CXCL1: variants seen among roughly 807,000 people sequenced by gnomAD.
CXCL1 encodes the protein C-X-C motif chemokine ligand 1.
In CXCL1, 9 loss-of-function variants were observed where a neutral mutation model predicts 11.7. That is an observed-to-expected ratio of 0.77 (90% CI 0.46 to 1.34). The LOEUF (loss-of-function observed/expected upper bound fraction) is 1.34. Among genes scored for constraint, CXCL1 ranks in the 40% most tolerant of loss-of-function variants. The probability of loss-of-function intolerance (pLI) is 0.00; values close to 1 mark genes in which losing one functional copy is unlikely to be tolerated. For missense variants in CXCL1, 146 were observed against 138.1 expected (o/e 1.06, Z -0.29); for synonymous variants, 78 against 59.1 (o/e 1.32, Z -1.47).
chr4:73,870,307 A>ACCCCCCCCCCCC, intron 3 of CXCL1: 2 of 448,164 alleles, frequency 4.5e-6, no homozygotes, highest in Non-Finnish European at 4.1e-6. Flanking sequence ...AGTGGAGACC[A>ACCCCCCCCCCCC]CCGCCCCACC....
chr4:73,870,878 T>A lies in CXCL1; in HGVS notation c.*342T>A. The A allele has an allele frequency of 4.8e-6, 1 of 208,640 alleles. No individual in the cohort carries two copies. The highest frequency in any genetic ancestry group is 7.8e-5 in the South Asian group (1 of 12,758). The allele number at this position is 208,640 out of a possible 1,614,324, so 12.9% of individuals were successfully genotyped here. A position where few individuals can be genotyped will look rare whatever the true frequency, so the allele number is the denominator to read the frequency against. On this transcript the variant is annotated 3_prime_UTR_variant, in exon 4 of 4. Transcript: ENST00000395761. ...GTTTTCAAATGTTCTCCAGTCATTA[T>A]GTTAATATTTCTGAGGAGCCTGCAA...
intron 3 of CXCL1, 81 bp from the exon 4 acceptor site, chr4:73,870,440 T>G: frequency 6.3e-7 from 1 of 1,576,990 alleles, no homozygotes; most frequent in Admixed American, 1.7e-5. Flanking sequence ...CTCTAGAGGC[T>G]GGAGGAGCAG....
In CXCL1 at chr4:73,869,559, G is replaced by C. The variant is rs760514000; in HGVS notation, c.89G>C (p.Arg30Pro). Residue 30 changes from arginine (R) to proline (P), a missense_variant, in exon 1 of 4, where the codon CGG (arginine) becomes CCG (proline). Physicochemically the swap from Arg to Pro is moderately radical, Grantham distance 103 (BLOSUM62 -2). Transcript: ENST00000395761. ...CTCCTGCTCCTGGTAGCCGCTGGCC[G>C]GCGCGCAGCAGGTGGGTACCGGCGC... ...LLLLLLVAAG[R>P]RAAGASVATE... 3.1e-6 allele frequency: 5 copies of C among 1,610,188 alleles called. No homozygotes were observed. The East Asian group carries it at 6.7e-5, about 22-fold the overall frequency.
intron 3 of CXCL1, 102 bp from the exon 4 acceptor site, chr4:73,870,419 C>T (rs1196114668): frequency 6.7e-7 from 1 of 1,484,340 alleles, no homozygotes; most frequent in African/African-American, 1.4e-5. Context: ...GGGGAAACTG[C>T]ATTCGGAAAA....
chr4:73,870,062 A>C, intron 3 of CXCL1, 73 bp downstream of exon 3: 1 of 1,461,020 alleles, frequency 6.8e-7, no homozygotes, highest in Non-Finnish European at 9.5e-7. Context: ...CCCCCTAAAA[A>C]TAAAATCAGG....
chr4:73,869,452 G>T lies in CXCL1; in HGVS notation c.-19G>T. ...TCTTCCGCTCCTCTCACAGCCGCCAGACCCGCCTGCTGAGCCCCATGGCCC... is the reference window on the plus strand; with the variant it reads ...TCTTCCGCTCCTCTCACAGCCGCCATACCCGCCTGCTGAGCCCCATGGCCC... On this transcript the variant is annotated 5_prime_UTR_variant, in exon 1 of 4. Coordinates refer to ENST00000395761, the MANE Select transcript of CXCL1 (RefSeq NM_001511.4). The T allele has an allele frequency of 3.9e-6, 6 of 1,547,416 alleles. No individual in the cohort carries two copies. Among genetic ancestry groups the T allele is most frequent in the Admixed American group, 2.0e-5 (1 of 51,234 alleles).
rs1208714667 is a variant in CXCL1 at position 73,870,677 on chromosome 4, CTTCTA to C, written c.*144_*148del. ...TGTTTGAGCATCGCTTAGGAGAAGT[CTTCTA>C]TTTATTTATTTATTCATTAGTTTTG... On this transcript the variant is annotated 3_prime_UTR_variant, in exon 4 of 4. Transcript: ENST00000395761. 1 of 857,898 alleles carries C rather than the reference CTTCTA, an allele frequency of 1.2e-6. No individual in the cohort carries two copies. The highest frequency in any genetic ancestry group is 1.8e-6 in the Non-Finnish European group (1 of 562,958). The allele number at this position is 857,898 out of a possible 1,614,324, so 53.1% of individuals were successfully genotyped here.
chr4:73,870,401 G>T, intron 3 of CXCL1, 120 bp from the exon 4 acceptor site: 8 of 1,148,280 alleles, frequency 7.0e-6, no homozygotes, highest in Non-Finnish European at 8.5e-6. Context: ...CCACTTGGTT[G>T]CCAGGCTGGG....
chr4:73,870,413 A>C (rs1396429960), intron 3 of CXCL1, 108 bp from the exon 4 acceptor site: 2 of 1,400,906 alleles, frequency 1.4e-6, no homozygotes, highest in East Asian at 5.0e-5. Context: ...CAGGCTGGGG[A>C]AACTGCATTC....
rs1731899469 is a variant in CXCL1 at position 73,869,797 on chromosome 4, G to A, written c.224+5G>A. The A allele has an allele frequency of 6.2e-7, 1 of 1,613,608 alleles. No homozygotes were observed. The highest frequency in any genetic ancestry group is 8.5e-7 in the Non-Finnish European group (1 of 1,179,768). On this transcript the variant is annotated splice_donor_5th_base_variant and intron_variant, in intron 2 of 3. Coordinates refer to ENST00000395761, the MANE Select transcript of CXCL1 (RefSeq NM_001511.4). ...CTGCGCCCAAACCGAAGTCATGTAA[G>A]TCCCGCCCCGCGCTGCCTCTGCCAC... is the stretch of plus-strand genomic sequence containing the variant.
rs777911856 is a variant in CXCL1 at position 73,870,506 on chromosome 4, A to G, written c.309-15A>G. On this transcript the variant is annotated splice_polypyrimidine_tract_variant and intron_variant, in intron 3 of 3. Coordinates refer to ENST00000395761, the MANE Select transcript of CXCL1 (RefSeq NM_001511.4). ...TCCCGAGCACCTACTCAGGGCACCC[A>G]TTTTCTCATTGCAGTGACAAATCCA... 1 of 1,613,764 alleles carries G rather than the reference A, an allele frequency of 6.2e-7. No individual in the cohort carries two copies. The highest frequency in any genetic ancestry group is 8.5e-7 in the Non-Finnish European group (1 of 1,179,802).
intron 1 of CXCL1, 33 bp downstream of exon 1, chr4:73,869,603 G>C (rs1371955223): frequency 1.2e-6 from 2 of 1,612,882 alleles, no homozygotes; most frequent in African/African-American, 1.3e-5. Flanking sequence ...CCCCGGGCCG[G>C]ACGCGGCTGG....
rs746567439 is a variant in CXCL1 at position 73,869,602 on chromosome 4, G to C, written c.100+32G>C. The C allele has an allele frequency of 6.2e-6, 10 of 1,612,824 alleles. No individual in the cohort carries two copies. The East Asian group carries it at 2.0e-4, about 32-fold the overall frequency. ...ACCGGCGCCCTGGGGTCCCCGGGCCGGACGCGGCTGGGGTAGGCACCCAGC... is the reference window on the plus strand; with the variant it reads ...ACCGGCGCCCTGGGGTCCCCGGGCCCGACGCGGCTGGGGTAGGCACCCAGC... On this transcript the variant is annotated intron_variant, in intron 1 of 3. Transcript: ENST00000395761.
Position 73,870,824 on chromosome 4 carries a change from T to C in CXCL1, c.*288T>C. 1 of 288,108 alleles carries C rather than the reference T, an allele frequency of 3.5e-6. No individual in the cohort carries two copies. The highest frequency in any genetic ancestry group is 4.7e-5 in the Admixed American group (1 of 21,072). The allele number at this position is 288,108 out of a possible 1,614,324, so 17.8% of individuals were successfully genotyped here. On this transcript the variant is annotated 3_prime_UTR_variant, in exon 4 of 4. Coordinates refer to ENST00000395761, the MANE Select transcript of CXCL1 (RefSeq NM_001511.4). ...ATGTCAACCCCAAGTTAGTTCAATC[T>C]GGATTCATATTTAATTTGAAGGTAG... is the stretch of plus-strand genomic sequence containing the variant.
chr4:73,871,245 C>G lies in CXCL1; in HGVS notation c.*709C>G, dbSNP rs540839136. On this transcript the variant is annotated 3_prime_UTR_variant, in exon 4 of 4. Coordinates refer to ENST00000395761, the MANE Select transcript of CXCL1 (RefSeq NM_001511.4). ...AAATAAAGCACTTATAGAAAAAACTCGTTTGATTTTTGGGGGGAAACAAGG... is the reference window on the plus strand; with the variant it reads ...AAATAAAGCACTTATAGAAAAAACTGGTTTGATTTTTGGGGGGAAACAAGG... 1.9e-4 allele frequency: 29 copies of G among 152,220 alleles called. No individual in the cohort carries two copies. Among genetic ancestry groups the G allele is most frequent in the African/African-American group, 7.0e-4 (29 of 41,532 alleles). The allele number at this position is 152,220 out of a possible 1,614,324, so 9.4% of individuals were successfully genotyped here.
At position 73,871,253 on chromosome 4, in the gene CXCL1, T is replaced by A. The variant is rs1731948717; in HGVS notation, c.*717T>A. 6.6e-6 allele frequency: 1 copy of A among 152,182 alleles called. No homozygotes were observed. Among genetic ancestry groups the A allele is most frequent in the Non-Finnish European group, 1.5e-5 (1 of 68,032 alleles). The allele number at this position is 152,182 out of a possible 1,614,324, so 9.4% of individuals were successfully genotyped here. On this transcript the variant is annotated 3_prime_UTR_variant, in exon 4 of 4. Coordinates refer to ENST00000395761, the MANE Select transcript of CXCL1 (RefSeq NM_001511.4). ...CACTTATAGAAAAAACTCGTTTGAT[T>A]TTTGGGGGGAAACAAGGGCTACCTT...
Position 73,869,948 on chromosome 4 carries a change from A to G in CXCL1, c.267A>G (p.Ala89=). 6.2e-7 allele frequency: 1 copy of G among 1,614,118 alleles called. No homozygotes were observed. Residue 89 remains alanine, a synonymous_variant, in exon 3 of 4, where the codon GCA becomes GCG. Transcript: ENST00000395761. ...KNGRKACLNP[A]SPIVKKIIEK... The stretch of plus-strand genomic sequence containing the variant: ...GGCGGAAAGCTTGCCTCAATCCTGC[A>G]TCCCCCATAGTTAAGAAAATCATCG...
At chr4:73,869,870 G>A (rs765987608) in intron 2 of CXCL1, 36 bp from the exon 3 acceptor site, 8 of 1,613,886 alleles carry the variant, frequency 5.0e-6, no homozygotes, top group South Asian at 2.2e-5. Context: ...TCCCCAGCCC[G>A]ACCTCCTGCC....
In CXCL1 at chr4:73,870,973, GGA is replaced by G. The variant is rs566583028; in HGVS notation, c.*438_*439del. On this transcript the variant is annotated 3_prime_UTR_variant, in exon 4 of 4. Transcript: ENST00000395761. ...CCAATGAGATCATTGTGAAGGCAGG[GGA>G]ATGTATGTGCACATCTGTTTTGTAA... 0.019 allele frequency: 3,106 copies of G among 163,246 alleles called. 79 individuals carry two copies. Among genetic ancestry groups the G allele is most frequent in the African/African-American group, 0.058 (2,427 of 41,646 alleles). 10.1% of individuals were successfully genotyped at this position (163,246 alleles called of 1,614,324 possible).
Sources: allele counts gnomAD v4.1 joint callset, GRCh38; gene constraint gnomAD v4.1.1; transcripts MANE v1.5; gene names NCBI Gene and HGNC (gene_info 2026-07-23, HGNC 2026-07-21).